The following MTMR9 variants were observed in gnomAD, a reference collection of about 807,000 sequenced individuals.
MTMR9 encodes myotubularin-related protein 9.
A neutral mutation model predicts 69.5 loss-of-function variants in MTMR9; 39 were observed. The ratio of observed to expected loss-of-function variants is 0.56; its 90% CI spans 0.43 to 0.73. The LOEUF is 0.73. Among genes scored for constraint, MTMR9 ranks in the 30% least tolerant of loss-of-function variants. The probability of loss-of-function intolerance (pLI) is 0.00; values close to 1 mark genes in which losing one functional copy is unlikely to be tolerated. For missense variants in MTMR9, 900 were observed against 671.2 expected (o/e 1.34, Z -3.77); for synonymous variants, 354 against 240.8 (o/e 1.47, Z -4.35).
At chr8:11,338,393 C>T in the MTMR9 span, among the ~76,000 whole-genome samples, 1 of 152,306 alleles carries the variant, frequency 6.6e-6, no homozygotes, top group East Asian at 1.9e-4. Flanking sequence ...TGGTGGTGAC[C>T]TTTGTAGGCT....
At position 11,306,318 on chromosome 8, in the gene MTMR9, C is replaced by A; in HGVS notation, c.720C>A (p.Asn240Lys). 1.2e-6 allele frequency: 2 copies of A among 1,614,030 alleles called. No homozygotes were observed. Among genetic ancestry groups the A allele is most frequent in the East Asian group, 2.2e-5 (1 of 44,880 alleles). ...ACATCATTGACACCCGATCCCTGAA[C>A]GTGGCTCAGCAAACTAGAGCCAAAG... The part of the protein sequence containing the change: ...RGYIIDTRSL[N>K]VAQQTRAKGG... The change falls in exon 5 of 10, where the codon AAC becomes AAA. Residue 240 changes from asparagine (N) to lysine (K), a missense_variant. Coordinates refer to ENST00000221086, the MANE Select transcript of MTMR9 (RefSeq NM_015458.4).
chr8:11,306,278 C>A lies in MTMR9; in HGVS notation c.680C>A (p.Ala227Asp). The A allele has an allele frequency of 6.2e-7, 1 of 1,614,058 alleles. No homozygotes were observed. ...AAGCTGATAAATGCTACCCTCAGGG[C>A]TGGAAAGCGTGGCTACATCATTGAC... ...DEKLINATLRAGKRGYIIDTR... is the reference protein window; with the variant it reads ...DEKLINATLRDGKRGYIIDTR... Residue 227 changes from alanine (A) to aspartate (D), a missense_variant, in exon 5 of 10, where the codon GCT (alanine) becomes GAT (aspartate). Physicochemically the swap from Ala to Asp is moderately radical, Grantham distance 126. Transcript: ENST00000221086.
chr8:11,328,682 G>T (rs1801056804), downstream of MTMR9, among the ~76,000 whole-genome samples: 1 of 152,158 alleles, frequency 6.6e-6, no homozygotes, highest in South Asian at 2.1e-4. Context: ...GTGAAAATTT[G>T]TGAAGAACAG....
downstream of MTMR9, among the ~76,000 whole-genome samples, chr8:11,330,687 A>T (rs1801179102): frequency 1.3e-5 from 2 of 152,218 alleles, no homozygotes; most frequent in South Asian, 2.1e-4. Flanking sequence ...GCGGTGCAAG[A>T]TGTGCTTTGT....
At chr8:11,299,793 C>G (rs1799687587) in intron 2 of MTMR9, among the ~76,000 whole-genome samples, 1 of 150,000 alleles carries the variant, frequency 6.7e-6, no homozygotes, top group Non-Finnish European at 1.5e-5. Flanking sequence ...TTCATCCCGT[C>G]AACACTTTTG....
intron 2 of MTMR9, chr8:11,297,932 A>G (rs1307461220): frequency 2.2e-6 from 1 of 456,218 alleles, no homozygotes; most frequent in Admixed American, 2.3e-5. Flanking sequence ...CCCTTCCCCG[A>G]ATACATCTGG....
chr8:11,322,892 CTT>C lies in MTMR9; in HGVS notation c.*106_*107del. 2 of 1,030,786 alleles carry C rather than the reference CTT, an allele frequency of 1.9e-6. No individual in the cohort carries two copies. The highest frequency in any genetic ancestry group is 2.8e-6 in the Non-Finnish European group (2 of 708,646). 63.9% of individuals were successfully genotyped at this position (1,030,786 alleles called of 1,614,324 possible). ...TTACACGGTAGCCTTGAAGTGAAGG[CTT>C]TAGATGTGGGACCCCCCTAATGTAA... is the stretch of plus-strand genomic sequence containing the variant. On this transcript the variant is annotated 3_prime_UTR_variant, in exon 10 of 10. Coordinates refer to ENST00000221086, the MANE Select transcript of MTMR9 (RefSeq NM_015458.4).
chr8:11,331,165 C>T (rs1013880894), downstream of MTMR9: 3 of 1,612,928 alleles, frequency 1.9e-6, no homozygotes, highest in East Asian at 6.7e-5. Flanking sequence ...TCGCCGCCCT[C>T]CGCTCCACCC....
At position 11,285,092 on chromosome 8, in the gene MTMR9, G is replaced by T. The variant is rs528626678; in HGVS notation, c.182+22G>T. 66 of 1,535,988 alleles carry T rather than the reference G, an allele frequency of 4.3e-5. 1 individual carries two copies. In the Middle Eastern group the frequency reaches 7.2e-4, roughly 17 times the overall value. On this transcript the variant is annotated intron_variant, in intron 1 of 9. Coordinates refer to ENST00000221086, the MANE Select transcript of MTMR9 (RefSeq NM_015458.4). ...AGCGGTGAGTGCCCGCCCCACCCCA[G>T]CTCCGCAGGGAGCCGGGGGTCCCTT...
chr8:11,331,861 G>A (rs1232738697), downstream of MTMR9: 3 of 1,611,810 alleles, frequency 1.9e-6, no homozygotes, highest in East Asian at 6.7e-5. Flanking sequence ...GACCTCCTGA[G>A]TTGGAGTTGT....
chr8:11,300,329 G>A (rs773078725), intron 3 of MTMR9, 181 bp downstream of exon 3: 1 of 533,008 alleles, frequency 1.9e-6, no homozygotes, highest in Non-Finnish European at 3.2e-6. Flanking sequence ...AAAGGAATTA[G>A]ATTAATAATC....
downstream of MTMR9, chr8:11,331,663 G>T (rs754026343): frequency 6.2e-7 from 1 of 1,611,582 alleles, no homozygotes; most frequent in East Asian, 2.2e-5. Flanking sequence ...GGGACCACAG[G>T]TGTCTACACC....
intron 1 of MTMR9, among the ~76,000 whole-genome samples, chr8:11,289,093 C>T (rs55770993): frequency 1.3e-3 from 192 of 152,238 alleles, no homozygotes; most frequent in African/African-American, 4.3e-3. Flanking sequence ...AATCACTTCA[C>T]CCTGGGAGGC....
At chr8:11,333,551 C>T in the MTMR9 span, among the ~76,000 whole-genome samples, 1 of 151,916 alleles carries the variant, frequency 6.6e-6, no homozygotes, top group Non-Finnish European at 1.5e-5. Flanking sequence ...GTAACTTGAA[C>T]CCATATGAAG....
At chr8:11,302,270 AAAAAGAGGAAGAC>A (rs1799772147) in intron 3 of MTMR9, among the ~76,000 whole-genome samples, 1 of 115,498 alleles carries the variant, frequency 8.7e-6, no homozygotes, top group Non-Finnish European at 1.7e-5. Context: ...AAAAAAAAAA[AAAAAGAGGAAGAC>A]AAAAAAAAAA....
Position 11,306,496 on chromosome 8 carries a change from A to G in MTMR9, c.809+89A>G. ...GCCATTTGAAAATCACAAGTGCTCA[A>G]ATTAACTTCTGCATTAATTTAGGGT... On this transcript the variant is annotated intron_variant, in intron 5 of 9. Transcript: ENST00000221086. The G allele has an allele frequency of 6.8e-6, 8 of 1,182,710 alleles. No homozygotes were observed. In the South Asian group the frequency reaches 1.1e-4, roughly 17 times the overall value. 73.3% of individuals were successfully genotyped at this position (1,182,710 alleles called of 1,614,324 possible).
chr8:11,286,055 C>T (rs548705755), intron 1 of MTMR9, among the ~76,000 whole-genome samples: 1 of 147,970 alleles, frequency 6.8e-6, no homozygotes, highest in East Asian at 2.0e-4. Flanking sequence ...CAGGTTCTAG[C>T]GATTCTTCTG....
At chr8:11,297,939 C>A (rs187373213) in intron 2 of MTMR9, 2 of 456,108 alleles carry the variant, frequency 4.4e-6, no homozygotes, top group African/African-American at 2.0e-5. Flanking sequence ...CCGAATACAT[C>A]TGGACACGAT....
At position 11,295,274 on chromosome 8, in the gene MTMR9, A is replaced by G; in HGVS notation, c.263A>G (p.Glu88Gly). The G allele has an allele frequency of 6.2e-7, 1 of 1,606,902 alleles. No individual in the cohort carries two copies. Among genetic ancestry groups the G allele is most frequent in the Non-Finnish European group, 8.5e-7 (1 of 1,174,156 alleles). ...IIQLDIPGME[E>G]CLNIASSIEA... is the part of the protein sequence containing the mutation. ...CAGTTGGATATTCCTGGAATGGAGG[A>G]ATGCTTGAATATAGCCAGTTCCATT... Residue 88 changes from glutamate (E) to glycine (G), a missense_variant, in exon 2 of 10, where the codon GAA (glutamate) becomes GGA (glycine). Transcript: ENST00000221086.
Sources: allele counts gnomAD v4.1 joint callset (sites outside exome capture counted in the v4.1 genomes callset), GRCh38; gene constraint gnomAD v4.1.1; transcripts MANE v1.5; gene names NCBI Gene and HGNC (gene_info 2026-07-23, HGNC 2026-07-21).